Variants in DZIP1 observed in about 807,000 individuals in gnomAD.
The protein encoded by DZIP1 is DAZ interacting zinc finger protein 1.
In DZIP1, 97 loss-of-function variants were observed where a neutral mutation model predicts 107.6. The ratio of observed to expected loss-of-function variants is 0.90; its 90% CI spans 0.77 to 1.07. The LOEUF (loss-of-function observed/expected upper bound fraction) is 1.07, where lower values mean the gene tolerates loss of function less well. Among genes scored for constraint, DZIP1 ranks in the 50% least tolerant of loss-of-function variants. DZIP1 has a pLI of 0.00. For synonymous variants in DZIP1, 390 were observed against 386.4 expected (o/e 1.01, Z -0.11); for missense variants, 1,035 against 1,063.6 (o/e 0.97, Z 0.37).
chr13:95,595,217 AC>A (rs2044413438), intron 15 of DZIP1, among the ~76,000 whole-genome samples: 1 of 152,190 alleles, frequency 6.6e-6, no homozygotes, highest in African/African-American at 2.4e-5. Context: ...TACCCATACT[AC>A]TTGGATTTGC....
chr13:95,599,250 G>T (rs934830884), intron 15 of DZIP1, 115 bp downstream of exon 15: 3 of 851,538 alleles, frequency 3.5e-6, no homozygotes, highest in Non-Finnish European at 5.7e-6. Flanking sequence ...AAATCTAAAT[G>T]TCTTTCCTAA....
At chr13:95,620,657 C>A (rs1463701139) in intron 9 of DZIP1, among the ~76,000 whole-genome samples, 1 of 152,146 alleles carries the variant, frequency 6.6e-6, no homozygotes, top group Non-Finnish European at 1.5e-5. Flanking sequence ...TGTAAATGAA[C>A]TAGCACTCAT....
chr13:95,597,490 T>C (rs1385331337), intron 15 of DZIP1, among the ~76,000 whole-genome samples: 1 of 152,232 alleles, frequency 6.6e-6, no homozygotes, highest in Non-Finnish European at 1.5e-5. Context: ...CTTCCGTTTC[T>C]GGAAAACCAA....
intron 15 of DZIP1, among the ~76,000 whole-genome samples, chr13:95,596,210 G>T (rs2044453551): frequency 6.6e-6 from 1 of 152,066 alleles, no homozygotes; most frequent in Admixed American, 6.6e-5. Context: ...CACAGCTGAG[G>T]ATTTTAGTTA....
chr13:95,636,071 G>C (rs1327065122), intron 5 of DZIP1, among the ~76,000 whole-genome samples: 1 of 151,408 alleles, frequency 6.6e-6, no homozygotes, highest in African/African-American at 2.4e-5. Context: ...TATAAATTAA[G>C]AAAGGAATCT....
intron 3 of DZIP1, among the ~76,000 whole-genome samples, 180 bp from the exon 4 acceptor site, chr13:95,642,421 C>T (rs1478453368): frequency 1.3e-5 from 2 of 152,218 alleles, no homozygotes; most frequent in African/African-American, 2.4e-5. Flanking sequence ...TTGGTCTTAA[C>T]TGCCATCCCC....
At chr13:95,588,335 G>C (rs758724154) in intron 19 of DZIP1, among the ~76,000 whole-genome samples, 4 of 152,152 alleles carry the variant, frequency 2.6e-5, no homozygotes, top group Non-Finnish European at 5.9e-5. Flanking sequence ...TATAAGAAAA[G>C]TGCTTTTGAA....
intron 10 of DZIP1, among the ~76,000 whole-genome samples, chr13:95,617,183 C>T (rs966030654): frequency 4.0e-5 from 6 of 151,176 alleles, no homozygotes; most frequent in African/African-American, 7.3e-5. Context: ...GCCCGTGCAA[C>T]AGAGTGAGAC....
chr13:95,619,763 A>T (rs1024267961), intron 10 of DZIP1, 122 bp downstream of exon 10: 1 of 897,244 alleles, frequency 1.1e-6, no homozygotes, highest in Non-Finnish European at 1.7e-6. Flanking sequence ...AGGTAATTTT[A>T]ATTTTGCTAC....
In DZIP1 at chr13:95,582,224, A is replaced by T. The variant is rs1314100495; in HGVS notation, c.*10T>A. The T allele has an allele frequency of 6.2e-7, 1 of 1,613,192 alleles. No homozygotes were observed. Among genetic ancestry groups the T allele is most frequent in the Admixed American group, 1.7e-5 (1 of 60,028 alleles). On this transcript the variant is annotated 3_prime_UTR_variant, in exon 23 of 23. Coordinates refer to ENST00000376829, the MANE Select transcript of DZIP1 (RefSeq NM_198968.4). ...TGCTGGCTTCTGGAATAATCTTCTGACATGTGGAATTAGACATCTGAAGTG... is the reference window on the plus strand; with the variant it reads ...TGCTGGCTTCTGGAATAATCTTCTGTCATGTGGAATTAGACATCTGAAGTG...
At position 95,624,756 on chromosome 13, in the gene DZIP1, T is replaced by A. The variant is rs1876329536; in HGVS notation, c.972+12A>T. The A allele has an allele frequency of 6.3e-7, 1 of 1,584,418 alleles. No individual in the cohort carries two copies. The highest frequency in any genetic ancestry group is 8.6e-7 in the Non-Finnish European group (1 of 1,161,372). On this transcript the variant is annotated intron_variant, in intron 8 of 22. Transcript: ENST00000376829. ...AATCAATACCATAAGAACTTCTAGG[T>A]TTAATACTTACATATTCTAATGCTG...
intron 9 of DZIP1, among the ~76,000 whole-genome samples, chr13:95,621,297 A>G (rs1028878280): frequency 2.0e-5 from 3 of 152,212 alleles, no homozygotes; most frequent in Admixed American, 2.0e-4. Context: ...AAAGCAAAGA[A>G]CAGAGAAAGA....
chr13:95,641,968 G>C lies in DZIP1; in HGVS notation c.36+26C>G, dbSNP rs748626776. 9.5e-6 allele frequency: 15 copies of C among 1,573,434 alleles called. No homozygotes were observed. The highest frequency in any genetic ancestry group is 7.3e-5 in the Admixed American group (4 of 54,830). On this transcript the variant is annotated intron_variant, in intron 4 of 22. Transcript: ENST00000376829. This position sits in a 1 kb window ranked among gnomAD's most constrained non-coding sequence, Gnocchi z 4.3. ...CTCCCCAGCCCGGCATCCCCGTCGGGGGCGCCCCGGCCTCCCGCCTCTTAC... is the reference window on the plus strand; with the variant it reads ...CTCCCCAGCCCGGCATCCCCGTCGGCGGCGCCCCGGCCTCCCGCCTCTTAC...
intron 6 of DZIP1, chr13:95,630,882 C>T: frequency 2.1e-6 from 1 of 477,756 alleles, no homozygotes; most frequent in Non-Finnish European, 3.7e-6. Context: ...GAATAAGATA[C>T]TGAAACAGAA....
At chr13:95,625,527 C>A (rs1350012180) in intron 7 of DZIP1, among the ~76,000 whole-genome samples, 1 of 152,126 alleles carries the variant, frequency 6.6e-6, no homozygotes, top group Non-Finnish European at 1.5e-5. Context: ...ACCAGGAAGA[C>A]CTTTTTTTAA....
At chr13:95,589,324 C>A in intron 18 of DZIP1, 117 bp from the exon 19 acceptor site, 1 of 746,104 alleles carries the variant, frequency 1.3e-6, no homozygotes, top group Non-Finnish European at 2.2e-6. Context: ...GGAAGAGCAG[C>A]AACAAAAGTC....
chr13:95,631,422 G>C (rs963834965), intron 6 of DZIP1, among the ~76,000 whole-genome samples: 4 of 151,588 alleles, frequency 2.6e-5, no homozygotes, highest in Non-Finnish European at 5.9e-5. Context: ...AGCCAAGATG[G>C]CACCACTGCA....
At chr13:95,624,522 A>G (rs573980648) in intron 8 of DZIP1, among the ~76,000 whole-genome samples, 1 of 152,338 alleles carries the variant, frequency 6.6e-6, no homozygotes, top group South Asian at 2.1e-4. Flanking sequence ...GGACCATCAT[A>G]GAAGAGGGTC....
intron 15 of DZIP1, among the ~76,000 whole-genome samples, chr13:95,596,002 C>T (rs1296442755): frequency 6.6e-6 from 1 of 152,092 alleles, no homozygotes; most frequent in Non-Finnish European, 1.5e-5. Context: ...CTGCAGATTA[C>T]GCATTTCCCC....
Sources: gnomAD v4.1 joint callset for allele counts (sites outside exome capture counted in the v4.1 genomes callset) on GRCh38, gnomAD v4.1.1 for gene constraint, Gnocchi (gnomAD v3.1) non-coding constraint, MANE v1.5 for transcripts, NCBI Gene and HGNC (gene_info 2026-07-23, HGNC 2026-07-21) for gene names.